ZNF385B: variants seen among roughly 807,000 people sequenced by gnomAD.
ZNF385B encodes zinc finger protein 533.
ZNF385B carries 23 observed loss-of-function variants against 39.2 expected under a neutral mutation model. The ratio of observed to expected loss-of-function variants is 0.59; its 90% CI spans 0.42 to 0.83. The LOEUF (loss-of-function observed/expected upper bound fraction) is 0.83. Among genes scored for constraint, ZNF385B ranks in the 40% least tolerant of loss-of-function variants. ZNF385B has a pLI of 0.00. For synonymous variants in ZNF385B, 205 were observed against 222.6 expected, an observed-to-expected ratio of 0.92 and a Z score of 0.70; for missense variants, 552 against 598.9, an observed-to-expected ratio of 0.92 and a Z score of 0.82.
intron 6 of ZNF385B, among the ~76,000 whole-genome samples, chr2:179,447,449 C>G (rs2049616491): frequency 6.6e-6 from 1 of 152,128 alleles, no homozygotes; most frequent in Admixed American, 6.5e-5. Flanking sequence ...CATTTAAAGA[C>G]ATTTTGGCAG....
intron 3 of ZNF385B, among the ~76,000 whole-genome samples, chr2:179,720,718 T>C (rs188702088): frequency 1.1e-4 from 17 of 152,144 alleles, no homozygotes; most frequent in African/African-American, 3.9e-4. Flanking sequence ...CAAAGTTATA[T>C]GCTCTTTATA....
intron 3 of ZNF385B, among the ~76,000 whole-genome samples, chr2:179,727,125 A>C (rs527776215): frequency 6.6e-6 from 1 of 152,214 alleles, no homozygotes; most frequent in Non-Finnish European, 1.5e-5. Flanking sequence ...CTCAACATTA[A>C]AAAGAGATCT....
chr2:179,729,195 A>T (rs16866961), intron 3 of ZNF385B, among the ~76,000 whole-genome samples: 23,773 of 151,752 alleles, frequency 0.16, 2,331 homozygotes, highest in East Asian at 0.52. Context: ...GAAAATCCCA[A>T]AAGGAAACAT....
At chr2:179,561,849 C>T (rs868694448) in intron 3 of ZNF385B, among the ~76,000 whole-genome samples, 7 of 152,056 alleles carry the variant, frequency 4.6e-5, no homozygotes, top group African/African-American at 1.2e-4. Flanking sequence ...TGAGCTTTGA[C>T]GTGAACTAGA....
intron 3 of ZNF385B, chr2:179,583,882 C>G (rs755530983): frequency 1.5e-6 from 2 of 1,299,198 alleles, no homozygotes; most frequent in Non-Finnish European, 2.0e-6. Context: ...CCTCAGTCCA[C>G]ATATAAATTA....
chr2:179,698,149 G>C (rs1698912981), intron 3 of ZNF385B, among the ~76,000 whole-genome samples: 1 of 150,596 alleles, frequency 6.6e-6, no homozygotes, highest in Non-Finnish European at 1.5e-5. Context: ...CCTGCACGTT[G>C]TGCACATGTA....
intron 1 of ZNF385B, among the ~76,000 whole-genome samples, chr2:179,825,522 C>T (rs902255712): frequency 1.3e-5 from 2 of 152,222 alleles, no homozygotes; most frequent in African/African-American, 4.8e-5. Context: ...AAAATAACCA[C>T]CCCCCAGTAT....
rs185072516 is a variant in ZNF385B at position 179,729,908 on chromosome 2, G to A, written c.298+39595C>T. ...GTAAGATGTATCTGCTTCCCCTTCC[G>A]CCATAATTGCAAGTTTCCTGAGGCC... is the stretch of plus-strand genomic sequence containing the variant. On this transcript the variant is annotated intron_variant, in intron 3 of 9. Transcript: ENST00000410066. Among the ~76,000 whole-genome samples, 296 of 152,122 alleles carry A rather than the reference G, an allele frequency of 1.9e-3. 1 individual carries two copies. The highest frequency in any genetic ancestry group is 3.6e-3 in the Non-Finnish European group (248 of 67,990).
chr2:179,752,768 G>A (rs575801718), intron 3 of ZNF385B, among the ~76,000 whole-genome samples: 1 of 151,912 alleles, frequency 6.6e-6, no homozygotes, highest in African/African-American at 2.4e-5. Flanking sequence ...CACCCACTTT[G>A]TGATGGGGTT....
At chr2:179,465,451 C>G (rs757895373) in intron 6 of ZNF385B, among the ~76,000 whole-genome samples, 6 of 152,154 alleles carry the variant, frequency 3.9e-5, no homozygotes, top group Admixed American at 3.3e-4. Context: ...ATGGGTATTT[C>G]AAACTCAACA....
intron 3 of ZNF385B, among the ~76,000 whole-genome samples, chr2:179,619,480 C>A (rs17768733): frequency 3.9e-5 from 6 of 152,228 alleles, no homozygotes; most frequent in Middle Eastern, 3.4e-3. Context: ...CCTGCTCCCC[C>A]ATCCAGCCAA....
intron 3 of ZNF385B, chr2:179,576,251 C>T: frequency 4.5e-6 from 4 of 885,154 alleles, no homozygotes; most frequent in Non-Finnish European, 5.4e-6. Context: ...TCCCATGCCG[C>T]TGCCAGATCA....
At chr2:179,607,549 G>T (rs959604991) in intron 3 of ZNF385B, among the ~76,000 whole-genome samples, 24 of 152,220 alleles carry the variant, frequency 1.6e-4, no homozygotes, top group African/African-American at 5.8e-4. Flanking sequence ...CCCAGTCTCA[G>T]GTAGTTCTTT....
At chr2:179,779,275 T>C (rs1704526630) in intron 1 of ZNF385B, among the ~76,000 whole-genome samples, 1 of 152,148 alleles carries the variant, frequency 6.6e-6, no homozygotes, top group South Asian at 2.1e-4. Context: ...AAGGAGATCC[T>C]ATGTGCACAG....
chr2:179,672,335 C>G (rs1040920343), intron 3 of ZNF385B, among the ~76,000 whole-genome samples: 3 of 152,158 alleles, frequency 2.0e-5, no homozygotes, highest in African/African-American at 7.2e-5. Flanking sequence ...GGGGAATTTG[C>G]CTCAGAATAA....
intron 3 of ZNF385B, among the ~76,000 whole-genome samples, chr2:179,580,581 G>T (rs908287): frequency 0.064 from 9,712 of 152,150 alleles, 588 homozygotes; most frequent in East Asian, 0.23. Flanking sequence ...AATAAAGGTG[G>T]GCCCTAATCT....
chr2:179,486,520 T>C, intron 5 of ZNF385B, among the ~76,000 whole-genome samples: 1 of 152,228 alleles, frequency 6.6e-6, no homozygotes, highest in East Asian at 1.9e-4. Context: ...AGAGAAGGAT[T>C]ATAACTTAAT....
chr2:179,456,260 G>A (rs1276394175), intron 6 of ZNF385B, among the ~76,000 whole-genome samples: 1 of 152,142 alleles, frequency 6.6e-6, no homozygotes, highest in Non-Finnish European at 1.5e-5. Flanking sequence ...CTGAGCTTTT[G>A]ATGCATATAC....
chr2:179,621,767 G>A (rs1034075857), intron 3 of ZNF385B, among the ~76,000 whole-genome samples: 3 of 152,096 alleles, frequency 2.0e-5, no homozygotes, highest in African/African-American at 7.2e-5. Flanking sequence ...AATCACCTCC[G>A]TGTCACACCT....
Sources: allele counts gnomAD v4.1 joint callset (sites outside exome capture counted in the v4.1 genomes callset), GRCh38; gene constraint gnomAD v4.1.1; transcripts MANE v1.5; gene names NCBI Gene and HGNC (gene_info 2026-07-23, HGNC 2026-07-21).